CCDC152: variants seen among roughly 807,000 people sequenced by gnomAD.
CCDC152 encodes the protein coiled-coil domain-containing protein 152.
A neutral mutation model predicts 38.1 loss-of-function variants in CCDC152; 37 were observed. The observed-to-expected ratio is 0.97, with a 90% CI of 0.75 to 1.28. CCDC152 has a LOEUF of 1.28. CCDC152 is among the 50% of genes most tolerant of loss of function. The pLI, the probability that CCDC152 is intolerant of heterozygous loss-of-function variation, is 0.00. For synonymous variants in CCDC152, 83 were observed against 87.1 expected (o/e 0.95, Z 0.26); for missense variants, 259 against 292.1 (o/e 0.89, Z 0.83).
intron 5 of CCDC152, among the ~76,000 whole-genome samples, chr5:42,782,661 G>C (rs1391757459): frequency 6.6e-6 from 1 of 152,008 alleles, no homozygotes; most frequent in Non-Finnish European, 1.5e-5. Context: ...AAATTGCTAA[G>C]AGAGTAGTTT....
chr5:42,776,783 T>C (rs1024800194), intron 4 of CCDC152, among the ~76,000 whole-genome samples: 4 of 152,184 alleles, frequency 2.6e-5, no homozygotes, highest in African/African-American at 9.6e-5. Context: ...TCTCAAAATA[T>C]ATGCAGATTA....
At chr5:42,762,140 G>A (rs1759561191) in intron 2 of CCDC152, among the ~76,000 whole-genome samples, 1 of 152,184 alleles carries the variant, frequency 6.6e-6, no homozygotes, top group Non-Finnish European at 1.5e-5. Flanking sequence ...GGAGGCAAGT[G>A]TAACATAATG....
intron 4 of CCDC152, among the ~76,000 whole-genome samples, chr5:42,772,587 G>A (rs1237431716): frequency 6.6e-6 from 1 of 151,050 alleles, no homozygotes; most frequent in Non-Finnish European, 1.5e-5. Context: ...GGAGTTGGAG[G>A]TTGCAGTGAG....
At chr5:42,797,986 A>G (rs188258839) in intron 7 of CCDC152, among the ~76,000 whole-genome samples, 257 of 151,850 alleles carry the variant, frequency 1.7e-3, no homozygotes, top group African/African-American at 6.0e-3. Context: ...GCCTGTACTA[A>G]AAAAAAATTA....
intron 7 of CCDC152, among the ~76,000 whole-genome samples, chr5:42,797,552 C>G (rs1366649087): frequency 1.3e-5 from 2 of 151,986 alleles, no homozygotes; most frequent in African/African-American, 4.8e-5. Context: ...ACAGAAAACT[C>G]AAGGATTATC....
intron 3 of CCDC152, among the ~76,000 whole-genome samples, chr5:42,768,983 C>A (rs1759662137): frequency 6.6e-6 from 1 of 152,200 alleles, no homozygotes; most frequent in Admixed American, 6.5e-5. Context: ...ATAGTCCCAG[C>A]ATTTTAGGAG....
At chr5:42,798,838 T>G (rs1264407859) in intron 7 of CCDC152, among the ~76,000 whole-genome samples, 1 of 152,180 alleles carries the variant, frequency 6.6e-6, no homozygotes, top group Non-Finnish European at 1.5e-5. Context: ...TTAACCTGAT[T>G]CAGTTTAATT....
intron 4 of CCDC152, among the ~76,000 whole-genome samples, chr5:42,774,785 A>G (rs1383661153): frequency 6.6e-6 from 1 of 152,218 alleles, no homozygotes; most frequent in Non-Finnish European, 1.5e-5. Flanking sequence ...TTGAAGAGAC[A>G]GAGAAAGCAT....
At chr5:42,784,139 T>C (rs4569879) in intron 6 of CCDC152, among the ~76,000 whole-genome samples, 116,437 of 152,046 alleles carry the variant, frequency 0.77, 44,882 homozygotes, top group East Asian at 1. Flanking sequence ...AATAGTAATT[T>C]TATTTTTAGT....
intron 4 of CCDC152, among the ~76,000 whole-genome samples, chr5:42,773,524 T>C (rs1218121602): frequency 6.6e-6 from 1 of 152,224 alleles, no homozygotes. Context: ...AGTTTCAGTG[T>C]ATGGCCATGT....
In CCDC152 at chr5:42,779,438, C is replaced by G; in HGVS notation, c.263-20C>G. On this transcript the variant is annotated intron_variant, in intron 4 of 8. Coordinates refer to ENST00000361970, the MANE Select transcript of CCDC152 (RefSeq NM_001134848.2). ...GAAAAGTGCTATATATTATGATGTTCTTTGATTATTCTTACACAGGTGAAA... is the reference window on the plus strand; with the variant it reads ...GAAAAGTGCTATATATTATGATGTTGTTTGATTATTCTTACACAGGTGAAA... 3.0e-6 allele frequency: 4 copies of G among 1,341,592 alleles called. No individual in the cohort carries two copies. The highest frequency in any genetic ancestry group is 4.2e-6 in the Non-Finnish European group (4 of 962,516). The allele number at this position is 1,341,592 out of a possible 1,614,324, so 83.1% of individuals were successfully genotyped here.
intron 6 of CCDC152, among the ~76,000 whole-genome samples, chr5:42,792,880 T>C (rs1185507718): frequency 1.3e-5 from 2 of 152,208 alleles, no homozygotes; most frequent in African/African-American, 4.8e-5. Context: ...TTAGGATTCC[T>C]GAGATCTGAG....
chr5:42,777,325 T>A (rs1384295825), intron 4 of CCDC152, among the ~76,000 whole-genome samples: 1 of 151,986 alleles, frequency 6.6e-6, no homozygotes, highest in African/African-American at 2.4e-5. Flanking sequence ...TAGCCGGGCA[T>A]GGTGGTGTGT....
chr5:42,759,069 C>T, intron 1 of CCDC152, 51 bp from the exon 2 acceptor site: 1 of 1,270,002 alleles, frequency 7.9e-7, no homozygotes, highest in Non-Finnish European at 1.1e-6. Context: ...TATTGTGGTG[C>T]TTTAGATCTT....
chr5:42,770,955 G>A (rs560422993), intron 4 of CCDC152, among the ~76,000 whole-genome samples: 65 of 152,142 alleles, frequency 4.3e-4, no homozygotes, highest in South Asian at 3.9e-3. Flanking sequence ...AAATGTGATC[G>A]ATTTTTATAT....
At chr5:42,770,433 C>T (rs1027372546) in intron 4 of CCDC152, among the ~76,000 whole-genome samples, 4 of 152,048 alleles carry the variant, frequency 2.6e-5, no homozygotes, top group African/African-American at 9.7e-5. Context: ...AACAACTTTT[C>T]CCTTCCTTGT....
chr5:42,780,243 G>A (rs1759826815), intron 5 of CCDC152, among the ~76,000 whole-genome samples: 1 of 152,132 alleles, frequency 6.6e-6, no homozygotes, highest in African/African-American at 2.4e-5. Context: ...TCTAAATTCA[G>A]TCTGGTTCCT....
rs1318399666 is a variant in CCDC152, at chr5:42,801,187, G to GATTCTGGTTGCTT, written c.*1411_*1412insGGTTGCTTATTCT. The GATTCTGGTTGCTT allele has an allele frequency of 6.2e-7, 1 of 1,614,142 alleles. No homozygotes were observed. The highest frequency in any genetic ancestry group is 8.5e-7 in the Non-Finnish European group (1 of 1,180,022). On this transcript the variant is annotated 3_prime_UTR_variant, in exon 9 of 9. Transcript: ENST00000361970. The stretch of plus-strand genomic sequence containing the variant: ...GGAGCATTTGGTGCTCCTGGTTGCT[G>GATTCTGGTTGCTT]ATTCTCTGAAAGCTCACTGCTGCCA...
chr5:42,762,397 T>C, intron 2 of CCDC152, 46 bp from the exon 3 acceptor site: 1 of 995,320 alleles, frequency 1.0e-6, no homozygotes, highest in African/African-American at 1.6e-5. Context: ...AAAATTAAAC[T>C]AGCAGCATTG....
Sources: allele counts gnomAD v4.1 joint callset (sites outside exome capture counted in the v4.1 genomes callset), GRCh38; gene constraint gnomAD v4.1.1; transcripts MANE v1.5; gene names NCBI Gene and HGNC (gene_info 2026-07-23, HGNC 2026-07-21).